The following DYRK4 variants were observed in gnomAD, a reference collection of about 807,000 sequenced individuals.
DYRK4 encodes dual specificity tyrosine phosphorylation regulated kinase 4.
A neutral mutation model predicts 68.3 loss-of-function variants in DYRK4; 64 were observed. The ratio of observed to expected loss-of-function variants is 0.94; its 90% confidence interval spans 0.77 to 1.15. DYRK4 has a LOEUF of 1.15. Ranked by LOEUF, DYRK4 falls within the 50% of genes most tolerant of loss-of-function variation. DYRK4 has a pLI of 0.00. For missense variants in DYRK4, 740 were observed against 764.7 expected (o/e 0.97, Z 0.38); for synonymous variants, 274 against 289.9 (o/e 0.95, Z 0.56).
At chr12:4,587,523 C>T (rs1489592051) in intron 2 of DYRK4, among the ~76,000 whole-genome samples, 1 of 152,216 alleles carries the variant, frequency 6.6e-6, no homozygotes, top group African/African-American at 2.4e-5. Context: ...ATTGACGATG[C>T]TAATGAATAT....
intron 2 of DYRK4, 123 bp downstream of exon 2, chr12:4,568,171 G>T: frequency 2.2e-6 from 2 of 897,292 alleles, no homozygotes; most frequent in South Asian, 3.4e-5. Flanking sequence ...GCAAAGGTGT[G>T]GAGGATCATG....
At chr12:4,582,923 A>G (rs145133340) in intron 2 of DYRK4, among the ~76,000 whole-genome samples, 13 of 152,206 alleles carry the variant, frequency 8.5e-5, no homozygotes, top group African/African-American at 3.1e-4. Flanking sequence ...TACTAATGTG[A>G]TCAGATGCTC....
intron 2 of DYRK4, among the ~76,000 whole-genome samples, chr12:4,581,945 A>G (rs1337571216): frequency 1.3e-5 from 2 of 152,176 alleles, no homozygotes; most frequent in African/African-American, 2.4e-5. Flanking sequence ...TCTAAACACA[A>G]AATTCATTTA....
chr12:4,575,298 A>ATTGTGTGTGTGT (rs562026104), intron 2 of DYRK4, among the ~76,000 whole-genome samples: 24 of 144,188 alleles, frequency 1.7e-4, no homozygotes, highest in African/African-American at 2.4e-4. Context: ...ACAATAACTT[A>ATTGTGTGTGTGT]CTGTGTGTGT....
intron 6 of DYRK4, among the ~76,000 whole-genome samples, chr12:4,593,440 G>T (rs1345813018): frequency 6.6e-6 from 1 of 152,092 alleles, no homozygotes; most frequent in African/African-American, 2.4e-5. Flanking sequence ...GCTCCCACAG[G>T]CTCCTTCCCT....
chr12:4,576,964 G>A lies in DYRK4; in HGVS notation c.132+8916G>A, dbSNP rs186652960. ...CTACCAGTCTATGGTTTCTCTTTTC[G>A]TTTTCTTAACAAAGTCTTTTGCAAA... On this transcript the variant is annotated intron_variant, in intron 2 of 14. Transcript: ENST00000543431. Among the ~76,000 whole-genome samples the A allele has an allele frequency of 3.8e-3, 577 of 152,100 alleles. 3 individuals are homozygous for A. Among genetic ancestry groups the A allele is most frequent in the Non-Finnish European group, 3.6e-3 (245 of 67,972 alleles).
chr12:4,602,991 C>T (rs767433683), intron 10 of DYRK4: 143 of 896,312 alleles, frequency 1.6e-4, no homozygotes, highest in Non-Finnish European at 2.2e-4. Context: ...TTATCATTCA[C>T]GGGTTCTTGA....
At chr12:4,612,791 T>G in intron 14 of DYRK4, 73 bp downstream of exon 14, 6 of 1,531,570 alleles carry the variant, frequency 3.9e-6, no homozygotes, top group African/African-American at 1.4e-5. Context: ...GTAAATCTCC[T>G]TGTGATATTT....
At chr12:4,581,830 C>G (rs1944845311) in intron 2 of DYRK4, among the ~76,000 whole-genome samples, 1 of 152,210 alleles carries the variant, frequency 6.6e-6, no homozygotes, top group South Asian at 2.1e-4. Flanking sequence ...TTGAGCATCT[C>G]TTATCCGAAA....
intron 11 of DYRK4, among the ~76,000 whole-genome samples, chr12:4,605,333 AT>A (rs1353655367): frequency 6.6e-6 from 1 of 152,250 alleles, no homozygotes; most frequent in Non-Finnish European, 1.5e-5. Context: ...AAATAGTGAC[AT>A]TTTAAAATAA....
At chr12:4,587,342 C>T (rs752950691) in intron 2 of DYRK4, among the ~76,000 whole-genome samples, 2 of 152,148 alleles carry the variant, frequency 1.3e-5, no homozygotes, top group Non-Finnish European at 2.9e-5. Context: ...GAAGAGCGCC[C>T]CCTCTACCAC....
Position 4,599,009 on chromosome 12 carries a change from CT to C in DYRK4, c.906-15del, listed in dbSNP as rs2137381920. The C allele has an allele frequency of 6.2e-7, 1 of 1,613,754 alleles. No homozygotes were observed. The highest frequency in any genetic ancestry group is 8.5e-7 in the Non-Finnish European group (1 of 1,179,804). ...TGTTTTTTTACACCCATATGCATCA[CT>C]TTTCCCCTCTTTTCCAGAATCAACT... On this transcript the variant is annotated intron_variant, in intron 8 of 14. Coordinates refer to ENST00000543431, the MANE Select transcript of DYRK4 (RefSeq NM_001394779.1).
At chr12:4,562,678 G>A (rs1944639527) in intron 1 of DYRK4, among the ~76,000 whole-genome samples, 1 of 152,168 alleles carries the variant, frequency 6.6e-6, no homozygotes, top group African/African-American at 2.4e-5. Flanking sequence ...ATGTCCTCTT[G>A]GTAGTCGTAA....
chr12:4,592,850 C>A, intron 5 of DYRK4, 152 bp from the exon 6 acceptor site: 1 of 766,268 alleles, frequency 1.3e-6, no homozygotes, highest in Non-Finnish European at 2.1e-6. Context: ...ATACTTCCAT[C>A]TTGTGAGATG....
At chr12:4,596,531 T>G in intron 7 of DYRK4, 58 bp from the exon 8 acceptor site, 4 of 1,587,966 alleles carry the variant, frequency 2.5e-6, no homozygotes, top group Non-Finnish European at 3.4e-6. Flanking sequence ...CAGCGGGACC[T>G]GACACTGATG....
At chr12:4,574,320 T>C (rs1944764503) in intron 2 of DYRK4, among the ~76,000 whole-genome samples, 1 of 151,926 alleles carries the variant, frequency 6.6e-6, no homozygotes, top group Non-Finnish European at 1.5e-5. Context: ...CTGAGATAAC[T>C]ACTCTCTTGA....
chr12:4,607,487 G>A (rs1299528256), intron 12 of DYRK4, 100 bp downstream of exon 12: 1 of 1,324,816 alleles, frequency 7.5e-7, no homozygotes. Flanking sequence ...ATACCAAAGG[G>A]CTGTGATTAA....
chr12:4,562,553 C>A (rs1019697612), intron 1 of DYRK4, among the ~76,000 whole-genome samples: 2 of 152,266 alleles, frequency 1.3e-5, no homozygotes, highest in African/African-American at 2.4e-5. Flanking sequence ...CAGCTGAGTG[C>A]AGGACAGGGA....
intron 4 of DYRK4, 114 bp downstream of exon 4, chr12:4,590,554 G>T: frequency 6.8e-7 from 1 of 1,465,732 alleles, no homozygotes; most frequent in Non-Finnish European, 9.0e-7. Flanking sequence ...CTGCTGAAGA[G>T]GTGGGTTCTA....
Sources: gnomAD v4.1 joint callset for allele counts (sites outside exome capture counted in the v4.1 genomes callset) on GRCh38, gnomAD v4.1.1 for gene constraint, MANE v1.5 for transcripts, NCBI Gene and HGNC (gene_info 2026-07-23, HGNC 2026-07-21) for gene names.